ERG: variants seen among roughly 807,000 people sequenced by gnomAD.
ERG encodes the protein transcriptional regulator ERG.
Under a neutral mutation model 55.3 loss-of-function variants are expected in ERG, and 9 were observed. That is an observed-to-expected ratio of 0.16 (90% CI 0.10 to 0.28). The LOEUF (loss-of-function observed/expected upper bound fraction) is 0.28, where lower values mean the gene tolerates loss of function less well. ERG is among the 10% of genes least tolerant of loss of function. The pLI, the probability that ERG is intolerant of heterozygous loss-of-function variation, is 1.00. For missense variants in ERG, 434 were observed against 631.6 expected, an observed-to-expected ratio of 0.69 and a Z score of 3.35; for synonymous variants, 223 against 237.3, an observed-to-expected ratio of 0.94 and a Z score of 0.55.
upstream of ERG, among the ~76,000 whole-genome samples, chr21:38,503,111 G>A (rs1420121634): frequency 6.6e-6 from 1 of 152,156 alleles, no homozygotes; most frequent in Non-Finnish European, 1.5e-5. Context: ...AATACCAATG[G>A]CAGAGAAGCT....
intron 1 of ERG, among the ~76,000 whole-genome samples, chr21:38,606,949 G>A (rs2155716): frequency 0.071 from 10,842 of 151,864 alleles, 678 homozygotes; most frequent in African/African-American, 0.17. Context: ...TTTTAAAAAA[G>A]GAGTCCTGAG....
intron 1 of ERG, among the ~76,000 whole-genome samples, chr21:38,631,388 G>T (rs999683588): frequency 5.3e-5 from 8 of 152,146 alleles, no homozygotes; most frequent in African/African-American, 1.7e-4. Context: ...GGAAGAATCA[G>T]TAACACTAAA....
chr21:38,634,247 C>A (rs1815922562), intron 1 of ERG, among the ~76,000 whole-genome samples: 2 of 152,094 alleles, frequency 1.3e-5, no homozygotes, highest in Admixed American at 6.6e-5. Context: ...TTCTAGGTAC[C>A]ATTCTAGGTG....
intron 1 of ERG, among the ~76,000 whole-genome samples, chr21:38,618,191 T>C (rs781175261): frequency 1.6e-4 from 25 of 152,164 alleles, no homozygotes; most frequent in Non-Finnish European, 3.2e-4. Context: ...CAGTGAGAAG[T>C]TGACAGCCAA....
intron 1 of ERG, among the ~76,000 whole-genome samples, chr21:38,482,720 C>T (rs564454203): frequency 1.4e-4 from 21 of 152,020 alleles, no homozygotes; most frequent in Admixed American, 8.5e-4. Context: ...GTCTGTTGCC[C>T]AGGCTGGAGT....
intron 1 of ERG, among the ~76,000 whole-genome samples, chr21:38,494,988 T>C (rs1022468260): frequency 3.9e-5 from 6 of 152,252 alleles, no homozygotes; most frequent in African/African-American, 1.4e-4. Context: ...AAATGACTTA[T>C]GCACAGCAGG....
intron 3 of ERG, 103 bp downstream of exon 3, chr21:38,423,307 A>T (rs1989632714): frequency 1.6e-6 from 2 of 1,229,272 alleles, no homozygotes; most frequent in South Asian, 1.5e-5. Flanking sequence ...GACAAAGGAG[A>T]TGTGATCAAT....
At chr21:38,567,520 T>C (rs2059930478) in intron 2 of ERG, among the ~76,000 whole-genome samples, 1 of 152,124 alleles carries the variant, frequency 6.6e-6, no homozygotes, top group African/African-American at 2.4e-5. Flanking sequence ...AGCTGATTTA[T>C]TGAGAAAAAA....
intron 1 of ERG, among the ~76,000 whole-genome samples, chr21:38,652,464 T>A (rs1433569000): frequency 6.6e-6 from 1 of 152,146 alleles, no homozygotes; most frequent in Non-Finnish European, 1.5e-5. Flanking sequence ...TGTTTAAAAT[T>A]CAGAAGCAAA....
At chr21:38,450,154 G>A (rs1569108537) in intron 1 of ERG, among the ~76,000 whole-genome samples, 1 of 151,856 alleles carries the variant, frequency 6.6e-6, no homozygotes. Context: ...CACTTTGAGA[G>A]GCCAAGGTGG....
chr21:38,616,877 G>A (rs2060262356), intron 1 of ERG, among the ~76,000 whole-genome samples: 1 of 152,108 alleles, frequency 6.6e-6, no homozygotes, highest in Non-Finnish European at 1.5e-5. Context: ...TTTTCTTGGA[G>A]CCAAGGGATT....
chr21:38,557,455 T>C (rs1326910800), intron 2 of ERG, among the ~76,000 whole-genome samples: 1 of 152,140 alleles, frequency 6.6e-6, no homozygotes, highest in East Asian at 1.9e-4. Context: ...AAGTCATAAG[T>C]CTTTGTGTCA....
At chr21:38,407,209 G>A (rs1256710529) in intron 3 of ERG, among the ~76,000 whole-genome samples, 1 of 152,154 alleles carries the variant, frequency 6.6e-6, no homozygotes. Flanking sequence ...TCTTTGTAGT[G>A]TTGTTTATAA....
At chr21:38,646,058 C>A (rs1426355839) in intron 1 of ERG, among the ~76,000 whole-genome samples, 1 of 152,110 alleles carries the variant, frequency 6.6e-6, no homozygotes, top group Non-Finnish European at 1.5e-5. Flanking sequence ...GAGGGCGGAT[C>A]ACTTGAGGTC....
downstream of ERG, among the ~76,000 whole-genome samples, chr21:38,375,390 T>A (rs576737552): frequency 6.6e-6 from 1 of 152,310 alleles, no homozygotes; most frequent in South Asian, 2.1e-4. Context: ...ATTTTCCCTT[T>A]CTAGATTATA....
At chr21:38,455,716 G>T (rs2058981927) in intron 1 of ERG, among the ~76,000 whole-genome samples, 1 of 151,168 alleles carries the variant, frequency 6.6e-6, no homozygotes, top group African/African-American at 2.4e-5. Flanking sequence ...AGATGTCCTG[G>T]CCTCCACCCA....
At chr21:38,426,911 C>A (rs948027208) in intron 2 of ERG, among the ~76,000 whole-genome samples, 26 of 141,754 alleles carry the variant, frequency 1.8e-4, no homozygotes, top group African/African-American at 6.4e-4. Context: ...GCCTGGGCAA[C>A]AAGAGCAAGA....
At chr21:38,437,595 T>C (rs2058802725) in intron 2 of ERG, among the ~76,000 whole-genome samples, 1 of 152,192 alleles carries the variant, frequency 6.6e-6, no homozygotes, top group Admixed American at 6.5e-5. Flanking sequence ...TCTGGGGTGA[T>C]GCTTAAAAGG....
rs769957252 is a variant in ERG, at chr21:38,445,522, C to T, written c.118G>A (p.Asp40Asn). 1.1e-5 allele frequency: 17 copies of T among 1,613,966 alleles called. No homozygotes were observed. Among genetic ancestry groups the T allele is most frequent in the African/African-American group, 4.0e-5 (3 of 74,908 alleles). The change falls in exon 2 of 10, where the codon GAC (aspartate) becomes AAC (asparagine). Residue 40 changes from aspartate to asparagine, a missense_variant. Physicochemically the swap from Asp to Asn is conservative, Grantham distance 23 (BLOSUM62 1). Transcript: ENST00000288319. The part of the protein sequence containing the change: ...KTEMTASSSS[D>N]YGQTSKMSPR... Reference sequence around the variant, plus strand: ...CTCATCTTGGAAGTCTGTCCATAGTCGCTGGAGGAGGACGCGGTCATCTCT... The same window carrying T: ...CTCATCTTGGAAGTCTGTCCATAGTTGCTGGAGGAGGACGCGGTCATCTCT...
Sources: gnomAD v4.1 joint callset for allele counts (sites outside exome capture counted in the v4.1 genomes callset) on GRCh38, gnomAD v4.1.1 for gene constraint, MANE v1.5 for transcripts, NCBI Gene and HGNC (gene_info 2026-07-23, HGNC 2026-07-21) for gene names.